Variants in DLG5 observed in about 807,000 individuals in gnomAD.
The protein encoded by DLG5 is disks large homolog 5.
A neutral mutation model predicts 189.8 loss-of-function variants in DLG5; 48 were observed. That is an observed-to-expected ratio of 0.25 (90% confidence interval 0.20 to 0.32). The LOEUF (loss-of-function observed/expected upper bound fraction) is 0.32. Among genes scored for constraint, DLG5 ranks in the 10% least tolerant of loss-of-function variants. The pLI is 1.00. For missense variants in DLG5, 2,160 were observed against 2,544.7 expected, an observed-to-expected ratio of 0.85 and a Z score of 3.25; for synonymous variants, 1,016 against 1,054.1, an observed-to-expected ratio of 0.96 and a Z score of 0.70.
At chr10:77,837,101 G>C (rs1843176518) in intron 7 of DLG5, among the ~76,000 whole-genome samples, 1 of 150,970 alleles carries the variant, frequency 6.6e-6, no homozygotes, top group Admixed American at 6.6e-5. Context: ...TGTGGTCCCA[G>C]CTACATGGGA....
chr10:77,899,494 T>G lies in DLG5; in HGVS notation c.304+26723A>C, dbSNP rs79611411. The stretch of plus-strand genomic sequence containing the variant: ...CTCATCTGTAAAATGAGGAGAGTAG[T>G]GGCCTTCATCTTAGAGTTGCTGGGA... On this transcript the variant is annotated intron_variant, in intron 1 of 31. Coordinates refer to ENST00000372391, the MANE Select transcript of DLG5 (RefSeq NM_004747.4). Among the ~76,000 whole-genome samples, 1,196 of 152,310 alleles carry G rather than the reference T, an allele frequency of 7.9e-3. 16 individuals are homozygous for G. The highest frequency in any genetic ancestry group is 0.026 in the African/African-American group (1,087 of 41,568).
At position 77,829,658 on chromosome 10, in the gene DLG5, C is replaced by T. The variant is rs1379578053; in HGVS notation, c.2010-128G>A. ...CTCACATACACGCTCAGAAAATCTCCTCTTGCAGGAGTGCACAGTGGTGAA... is the reference window on the plus strand; with the variant it reads ...CTCACATACACGCTCAGAAAATCTCTTCTTGCAGGAGTGCACAGTGGTGAA... On this transcript the variant is annotated intron_variant, in intron 11 of 31. Transcript: ENST00000372391. 4.3e-6 allele frequency: 5 copies of T among 1,168,130 alleles called. No homozygotes were observed. In the East Asian group the frequency reaches 1.2e-4, roughly 28 times the overall value. The allele number at this position is 1,168,130 out of a possible 1,614,324, so 72.4% of individuals were successfully genotyped here. A position where few individuals can be genotyped will look rare whatever the true frequency, so the allele number is the denominator to read the frequency against.
intron 1 of DLG5, among the ~76,000 whole-genome samples, chr10:77,921,012 C>A (rs758587504): frequency 6.6e-6 from 1 of 152,142 alleles, no homozygotes; most frequent in African/African-American, 2.4e-5. Flanking sequence ...CCATTAATTT[C>A]AAATGACTCT....
rs751233596 is a variant in DLG5 at position 77,854,220 on chromosome 10, C to T, written c.680+7G>A. 6.2e-7 allele frequency: 1 copy of T among 1,613,838 alleles called. No individual in the cohort carries two copies. Among genetic ancestry groups the T allele is most frequent in the South Asian group, 1.1e-5 (1 of 91,056 alleles). On this transcript the variant is annotated splice_region_variant and intron_variant, in intron 4 of 31. Coordinates refer to ENST00000372391, the MANE Select transcript of DLG5 (RefSeq NM_004747.4). The stretch of plus-strand genomic sequence containing the variant: ...TTGGAGGCCCTGGCCAAGCAGGCCT[C>T]ACTCACTGGTAGAAGTCAGTCTCCT...
chr10:77,928,896 T>G (rs143865306), upstream of DLG5: 1 of 151,976 alleles, frequency 6.6e-6, no homozygotes, highest in Non-Finnish European at 1.5e-5. Context: ...GGCATGATGG[T>G]GCAAGCCTGT....
At position 77,856,773 on chromosome 10, in the gene DLG5, T is replaced by C. The variant is rs1844253215; in HGVS notation, c.493A>G (p.Lys165Glu). 1 of 1,613,582 alleles carries C rather than the reference T, an allele frequency of 6.2e-7. No individual in the cohort carries two copies. The highest frequency in any genetic ancestry group is 8.5e-7 in the Non-Finnish European group (1 of 1,180,004). ...LMTRERNELR[K>E]RLAFATHGTA... ...CCATGCGTAGCAAAGGCCAGGCGCT[T>C]GCGGAGCTCGTTTCTCTCCCGGGTC... Residue 165 changes from lysine (K) to glutamate (E), a missense_variant, in exon 3 of 32, where the codon AAG (lysine) becomes GAG (glutamate). Physicochemically the swap from Lys to Glu is moderately conservative, Grantham distance 56. Around this residue, in one of 5 missense-constraint regions of DLG5, gnomAD observed 664 missense variants for 838.5 expected, o/e 0.79. Coordinates refer to ENST00000372391, the MANE Select transcript of DLG5 (RefSeq NM_004747.4).
chr10:77,934,859 TG>T, the DLG5 span, among the ~76,000 whole-genome samples: 8 of 144,486 alleles, frequency 5.5e-5, no homozygotes, highest in African/African-American at 2.3e-4. Context: ...TTTGTTTTTT[TG>T]TTTTTTTTTT....
intron 7 of DLG5, among the ~76,000 whole-genome samples, chr10:77,836,699 G>C (rs1366907822): frequency 6.6e-6 from 1 of 152,164 alleles, no homozygotes; most frequent in Non-Finnish European, 1.5e-5. Flanking sequence ...CCTCATCTCT[G>C]AAAACAGAGG....
At chr10:77,911,458 G>A (rs1378652962) in intron 1 of DLG5, among the ~76,000 whole-genome samples, 1 of 152,196 alleles carries the variant, frequency 6.6e-6, no homozygotes, top group Admixed American at 6.5e-5. Context: ...GTTAAAATAT[G>A]TAAATAGAAT....
chr10:77,923,510 C>T (rs1846596145), intron 1 of DLG5, among the ~76,000 whole-genome samples: 1 of 152,258 alleles, frequency 6.6e-6, no homozygotes. Flanking sequence ...GTAATCCCAA[C>T]ACTTTTGGGA....
Position 77,829,417 on chromosome 10 carries a change from C to T in DLG5, c.2123G>A (p.Arg708Gln). Residue 708 changes from arginine (R) to glutamine (Q), a missense_variant, in exon 12 of 32, where the codon CGG becomes CAG. Arg to Gln is a conservative substitution (Grantham distance 43). Coordinates refer to ENST00000372391, the MANE Select transcript of DLG5 (RefSeq NM_004747.4). Reference protein sequence around the residue: ...GEGAINMVVRRRKSLGGKVVT... With the variant: ...GEGAINMVVRQRKSLGGKVVT... ...CACCTTCCCACCCAGGGACTTCCTC[C>T]GCCGCACGACCATGTTGATGGCCCC... The T allele has an allele frequency of 1.2e-6, 2 of 1,614,226 alleles. No individual in the cohort carries two copies. The highest frequency in any genetic ancestry group is 1.7e-6 in the Non-Finnish European group (2 of 1,180,046).
intron 5 of DLG5, among the ~76,000 whole-genome samples, chr10:77,849,539 T>C (rs1465379399): frequency 6.6e-6 from 1 of 152,234 alleles, no homozygotes; most frequent in Non-Finnish European, 1.5e-5. Context: ...CCTCTTCTCC[T>C]GGTGGGGTCT....
upstream of DLG5, chr10:77,928,612 C>CT (rs1846757560): frequency 6.6e-6 from 1 of 152,288 alleles, no homozygotes; most frequent in African/African-American, 2.4e-5. Context: ...TTTCAGGCAC[C>CT]TTTCATCCGG....
At chr10:77,929,366 A>G (rs1846766207), upstream of DLG5, 1 of 152,160 alleles carries the variant, frequency 6.6e-6, no homozygotes, top group Admixed American at 6.6e-5. Flanking sequence ...TTAGCCAGTG[A>G]CCTTGGTGTG....
At position 77,834,021 on chromosome 10, in the gene DLG5, C is replaced by T; in HGVS notation, c.1641G>A (p.Leu547=). ...RDSIRTLCDN[L]RRERDRAVSE... ...TCACCGCACGGTCCCGCTCCCGCCT[C>T]AGGTTGTCACACAGTGTCCTGGTGG... is the stretch of plus-strand genomic sequence containing the variant. The change falls in exon 9 of 32, where the codon CTG becomes CTA. Residue 547 remains leucine (L), a synonymous_variant. Coordinates refer to ENST00000372391, the MANE Select transcript of DLG5 (RefSeq NM_004747.4). 1 of 1,609,690 alleles carries T rather than the reference C, an allele frequency of 6.2e-7. No homozygotes were observed.
chr10:77,926,006 G>A lies in DLG5; in HGVS notation c.304+211C>T, dbSNP rs1325142795. 6.6e-6 allele frequency among the ~76,000 whole-genome samples: 1 copy of A among 152,216 alleles called. No homozygotes were observed. The highest frequency in any genetic ancestry group is 6.5e-5 in the Admixed American group (1 of 15,290). On this transcript the variant is annotated intron_variant, in intron 1 of 31. Coordinates refer to ENST00000372391, the MANE Select transcript of DLG5 (RefSeq NM_004747.4). This position sits in a 1 kb window ranked among gnomAD's most constrained non-coding sequence, Gnocchi z 5.2. ...GCACCTGAGAGTGAAGGCCTTCAGC[G>A]GGGGGCATTGTTCACAGCGAACGGC...
chr10:77,816,680 C>T lies in DLG5; in HGVS notation c.3896G>A (p.Cys1299Tyr). ...SERGSVSHSE[C>Y]STPPQSPLNI... ...CAGGGGTGACTGTGGAGGAGTGCTG[C>T]ATTCAGAATGTGACACTGAACCTGC... Residue 1299 changes from cysteine to tyrosine, a missense_variant, in exon 20 of 32, where the codon TGC becomes TAC. Coordinates refer to ENST00000372391, the MANE Select transcript of DLG5 (RefSeq NM_004747.4). 1 of 1,611,514 alleles carries T rather than the reference C, an allele frequency of 6.2e-7. No individual in the cohort carries two copies.
At chr10:77,879,375 C>G (rs978260763) in intron 1 of DLG5, among the ~76,000 whole-genome samples, 1 of 152,056 alleles carries the variant, frequency 6.6e-6, no homozygotes, top group African/African-American at 2.4e-5. Context: ...ACCTTATGGG[C>G]CACACAGAGG....
rs371296464 is a variant in DLG5 at position 77,869,495 on chromosome 10, G to A, written c.305-298C>T. 9.9e-5 allele frequency: 41 copies of A among 413,180 alleles called. 4 individuals are homozygous for A. The highest frequency in any genetic ancestry group is 6.5e-4 in the East Asian group (11 of 16,996). The allele number at this position is 413,180 out of a possible 1,614,324, so 25.6% of individuals were successfully genotyped here. On this transcript the variant is annotated intron_variant, in intron 1 of 31. Coordinates refer to ENST00000372391, the MANE Select transcript of DLG5 (RefSeq NM_004747.4). ...ATCTGGGGAAAGGCTTAGCAAGGGA[G>A]TGACATGCCCCAGGTAAACATGGGG...
Sources: allele counts gnomAD v4.1 joint callset (sites outside exome capture counted in the v4.1 genomes callset), GRCh38; gene constraint gnomAD v4.1.1; regional missense constraint gnomAD v4.1.1; non-coding constraint Gnocchi (gnomAD v3.1); transcripts MANE v1.5; gene names NCBI Gene and HGNC (gene_info 2026-07-23, HGNC 2026-07-21).